The following NEK7 variants were observed in gnomAD, a reference collection of about 807,000 sequenced individuals.
NEK7 encodes the protein NIMA related kinase 7.
NEK7 carries 18 observed loss-of-function variants against 44.6 expected under a neutral mutation model. The observed-to-expected ratio is 0.40, with a 90% confidence interval of 0.28 to 0.60. The LOEUF is 0.60. Ranked by LOEUF, NEK7 falls within the 20% of genes least tolerant of loss-of-function variation. NEK7 has a pLI of 0.38. For missense variants in NEK7, 256 were observed against 366.5 expected (o/e 0.70, Z 2.46); for synonymous variants, 130 against 121.1 (o/e 1.07, Z -0.48).
intron 1 of NEK7, among the ~76,000 whole-genome samples, chr1:198,163,332 A>G (rs746070692): frequency 3.6e-4 from 54 of 152,022 alleles, no homozygotes; most frequent in Non-Finnish European, 6.5e-4. Context: ...GTCACTACAA[A>G]AAATTTAAAA....
At chr1:198,278,811 T>A in intron 6 of NEK7, 143 bp from the exon 7 acceptor site, 1 of 575,478 alleles carries the variant, frequency 1.7e-6, no homozygotes, top group Non-Finnish European at 3.1e-6. Flanking sequence ...ATCAGAATTA[T>A]TCAAAATAAA....
At chr1:198,248,341 TTGAA>T (rs772262986) in intron 2 of NEK7, among the ~76,000 whole-genome samples, 6 of 152,170 alleles carry the variant, frequency 3.9e-5, no homozygotes, top group Non-Finnish European at 7.3e-5. Context: ...TAACTGAAGA[TTGAA>T]TGAATAAGTC....
intron 1 of NEK7, among the ~76,000 whole-genome samples, chr1:198,204,491 A>G (rs1000927407): frequency 3.3e-5 from 5 of 152,084 alleles, no homozygotes; most frequent in African/African-American, 1.2e-4. Flanking sequence ...AGGCCGAGGC[A>G]GGCGGATCAC....
chr1:198,297,245 G>C lies in NEK7; in HGVS notation c.798+5G>C. On this transcript the variant is annotated splice_donor_5th_base_variant and intron_variant, in intron 9 of 9. Coordinates refer to ENST00000367385, the MANE Select transcript of NEK7 (RefSeq NM_133494.3). The stretch of plus-strand genomic sequence containing the variant: ...TCAGATCACTATTCAGAAGAAGTAA[G>C]TCATTTTCAGCCCACATGTTCTTCT... 1 of 1,612,280 alleles carries C rather than the reference G, an allele frequency of 6.2e-7. No individual in the cohort carries two copies. The highest frequency in any genetic ancestry group is 8.5e-7 in the Non-Finnish European group (1 of 1,179,260).
chr1:198,297,390 A>G (rs1571613410), intron 9 of NEK7, 150 bp downstream of exon 9: 13 of 971,892 alleles, frequency 1.3e-5, no homozygotes, highest in Non-Finnish European at 1.7e-5. Context: ...TCTCTTGGAG[A>G]CTTGCTGTCT....
chr1:198,222,762 G>A (rs1385696872), intron 1 of NEK7, among the ~76,000 whole-genome samples: 5 of 151,846 alleles, frequency 3.3e-5, no homozygotes, highest in African/African-American at 1.2e-4. Context: ...TGACAGTCTC[G>A]CCCTCTGCTA....
At chr1:198,262,741 A>C (rs896277860) in intron 4 of NEK7, 104 bp downstream of exon 4, 1 of 550,714 alleles carries the variant, frequency 1.8e-6, no homozygotes, top group Non-Finnish European at 3.2e-6. Flanking sequence ...CTTATGCTAC[A>C]CTGATTTCAA....
At chr1:198,310,875 G>T (rs1655161350) in intron 9 of NEK7, among the ~76,000 whole-genome samples, 2 of 151,360 alleles carry the variant, frequency 1.3e-5, no homozygotes, top group Admixed American at 6.6e-5. Flanking sequence ...GTAGTGTGAT[G>T]CCTCCAGCTT....
intron 7 of NEK7, among the ~76,000 whole-genome samples, chr1:198,291,512 G>T (rs199561651): frequency 8.8e-6 from 1 of 114,186 alleles, no homozygotes; most frequent in Non-Finnish European, 1.8e-5. Flanking sequence ...AGAAATTGGC[G>T]TATTTACCTG....
intron 9 of NEK7, among the ~76,000 whole-genome samples, chr1:198,311,388 G>A (rs1329278070): frequency 6.6e-6 from 1 of 152,062 alleles, no homozygotes; most frequent in Non-Finnish European, 1.5e-5. Flanking sequence ...TGCAAACAGG[G>A]ACAATTTGAC....
intron 1 of NEK7, among the ~76,000 whole-genome samples, chr1:198,198,741 A>C (rs563533436): frequency 3.3e-5 from 5 of 152,148 alleles, no homozygotes; most frequent in Admixed American, 2.6e-4. Flanking sequence ...GAGGCTTTTT[A>C]ACCTTTCACA....
rs1055845360 is a variant in NEK7 at position 198,199,596 on chromosome 1, T to A, written c.-28-32957T>A. On this transcript the variant is annotated intron_variant, in intron 1 of 9. Transcript: ENST00000367385. ...TTGTTTTTATCCCCTTTTAGTACTATTCGTTTTTGCTTTATATATTCTGGC... is the reference window on the plus strand; with the variant it reads ...TTGTTTTTATCCCCTTTTAGTACTAATCGTTTTTGCTTTATATATTCTGGC... Among the ~76,000 whole-genome samples, 4 of 152,188 alleles carry A rather than the reference T, an allele frequency of 2.6e-5. No homozygotes were observed. In the South Asian group the frequency reaches 8.3e-4, roughly 31 times the overall value.
intron 1 of NEK7, among the ~76,000 whole-genome samples, chr1:198,199,959 C>T (rs1234063440): frequency 6.6e-6 from 1 of 151,990 alleles, no homozygotes; most frequent in East Asian, 1.9e-4. Context: ...TATTTGTTTT[C>T]TATTGTTCCA....
At chr1:198,309,854 T>C (rs549327371) in intron 9 of NEK7, among the ~76,000 whole-genome samples, 8 of 152,326 alleles carry the variant, frequency 5.3e-5, no homozygotes, top group African/African-American at 1.9e-4. Context: ...TGTTGGACAT[T>C]TGGGTTGGTT....
chr1:198,312,554 C>G (rs1446574576), intron 9 of NEK7, among the ~76,000 whole-genome samples: 1 of 151,966 alleles, frequency 6.6e-6, no homozygotes, highest in Non-Finnish European at 1.5e-5. Flanking sequence ...TGGATCTTTC[C>G]TGGTTTCTCT....
chr1:198,185,481 G>A (rs1265878333), intron 1 of NEK7, among the ~76,000 whole-genome samples: 1 of 151,972 alleles, frequency 6.6e-6, no homozygotes, highest in Admixed American at 6.6e-5. Flanking sequence ...AGCTTTATTG[G>A]TAGATCTATG....
Position 198,275,832 on chromosome 1 carries a change from T to C in NEK7, c.373-2129T>C, listed in dbSNP as rs1654001752. Among the ~76,000 whole-genome samples, 4 of 151,122 alleles carry C rather than the reference T, an allele frequency of 2.6e-5. No homozygotes were observed. In the South Asian group the frequency reaches 8.3e-4, roughly 31 times the overall value. Reference sequence around the variant, plus strand: ...CTTTTCTCATTTTAAGTGTTGGTTTTCTCAAAAAACAAAAAAAAACAAACC... The same window carrying C: ...CTTTTCTCATTTTAAGTGTTGGTTTCCTCAAAAAACAAAAAAAAACAAACC... On this transcript the variant is annotated intron_variant, in intron 5 of 9. Transcript: ENST00000367385.
chr1:198,280,107 G>A (rs79903537), intron 7 of NEK7, among the ~76,000 whole-genome samples: 34 of 151,980 alleles, frequency 2.2e-4, no homozygotes, highest in African/African-American at 6.0e-4. Flanking sequence ...TTCATAGAGC[G>A]TTATAATTTT....
chr1:198,229,192 A>C (rs905975741), intron 1 of NEK7, among the ~76,000 whole-genome samples: 1 of 152,090 alleles, frequency 6.6e-6, no homozygotes, highest in Non-Finnish European at 1.5e-5. Context: ...AAATCTCCAC[A>C]AAAGGCCCAA....
Sources: allele counts gnomAD v4.1 joint callset (sites outside exome capture counted in the v4.1 genomes callset), GRCh38; gene constraint gnomAD v4.1.1; transcripts MANE v1.5; gene names NCBI Gene and HGNC (gene_info 2026-07-23, HGNC 2026-07-21).